Variants in ADCY9 observed in about 807,000 individuals in gnomAD.
ADCY9 encodes adenylate cyclase 9.
A neutral mutation model predicts 101.5 loss-of-function variants in ADCY9; 50 were observed. The observed-to-expected ratio is 0.49, with a 90% CI of 0.39 to 0.62. ADCY9 has a LOEUF of 0.62. Among genes scored for constraint, ADCY9 ranks in the 20% least tolerant of loss-of-function variants. The pLI is 0.00. For synonymous variants in ADCY9, 905 were observed against 769.3 expected, an observed-to-expected ratio of 1.18 and a Z score of -2.92; for missense variants, 1,662 against 1,800.4, an observed-to-expected ratio of 0.92 and a Z score of 1.39.
intron 3 of ADCY9, among the ~76,000 whole-genome samples, chr16:4,005,171 C>A (rs527895730): frequency 2.0e-4 from 31 of 152,264 alleles, no homozygotes; most frequent in African/African-American, 6.7e-4. Context: ...AGTAAAGAAA[C>A]CCTTTCTGTG....
intron 2 of ADCY9, among the ~76,000 whole-genome samples, chr16:4,105,177 A>G (rs1204857159): frequency 1.3e-5 from 2 of 152,208 alleles, no homozygotes; most frequent in Admixed American, 1.3e-4. Context: ...CATTTTACAA[A>G]ATATAGTTAC....
In ADCY9 at chr16:4,115,078, T is replaced by C; in HGVS notation, c.365A>G (p.Tyr122Cys). 6.2e-7 allele frequency: 1 copy of C among 1,614,024 alleles called. No homozygotes were observed. The highest frequency in any genetic ancestry group is 8.5e-7 in the Non-Finnish European group (1 of 1,180,030). ...TQRRFRYALF[Y>C]IGFACLLWSI... is the part of the protein sequence containing the mutation. ...CCACAGAAGGCAGGCGAAGCCGATG[T>C]AGAAGAGCGCATACCGGAACCGGCG... is the stretch of plus-strand genomic sequence containing the variant. Residue 122 changes from tyrosine to cysteine, a missense_variant, in exon 2 of 11, where the codon TAC becomes TGC. Tyr to Cys is a radical substitution (Grantham distance 194). Coordinates refer to ENST00000294016, the MANE Select transcript of ADCY9 (RefSeq NM_001116.4). This position sits in a 1 kb window ranked among gnomAD's most constrained non-coding sequence, Gnocchi z 6.2.
chr16:4,031,504 C>T (rs936698234), intron 2 of ADCY9, among the ~76,000 whole-genome samples: 57 of 152,112 alleles, frequency 3.7e-4, no homozygotes, highest in Non-Finnish European at 2.2e-4. Flanking sequence ...AAAATGTTAA[C>T]CACGGGTCAA....
intron 2 of ADCY9, among the ~76,000 whole-genome samples, chr16:4,035,135 C>G (rs916048928): frequency 6.6e-6 from 1 of 152,236 alleles, no homozygotes; most frequent in Non-Finnish European, 1.5e-5. Context: ...GATGGTGGCA[C>G]TAATCTCTGC....
intron 2 of ADCY9, among the ~76,000 whole-genome samples, chr16:4,101,530 T>C (rs2057043296): frequency 6.6e-6 from 1 of 152,120 alleles, no homozygotes; most frequent in Non-Finnish European, 1.5e-5. Flanking sequence ...CCTCCTACCT[T>C]GGCCTTCCAA....
intron 6 of ADCY9, 37 bp from the exon 7 acceptor site, chr16:3,983,477 G>C: frequency 1.9e-6 from 3 of 1,541,138 alleles, no homozygotes; most frequent in Non-Finnish European, 2.7e-6. Flanking sequence ...TGACTGGGAG[G>C]CCATGGGCGG....
chr16:4,097,855 CTTAT>C (rs1469820974), intron 2 of ADCY9, among the ~76,000 whole-genome samples: 1 of 151,816 alleles, frequency 6.6e-6, no homozygotes, highest in African/African-American at 2.4e-5. Flanking sequence ...CTTATATTTA[CTTAT>C]TTATTCATTC....
chr16:4,054,387 A>C (rs1027092324), intron 2 of ADCY9, among the ~76,000 whole-genome samples: 1 of 151,968 alleles, frequency 6.6e-6, no homozygotes, highest in African/African-American at 2.4e-5. Context: ...ATTTTCCCAA[A>C]CTGTGGTGGA....
At chr16:3,986,644 G>C (rs901282953) in intron 6 of ADCY9, among the ~76,000 whole-genome samples, 1 of 152,180 alleles carries the variant, frequency 6.6e-6, no homozygotes, top group Non-Finnish European at 1.5e-5. Flanking sequence ...TTTTAGTAGA[G>C]ACGGGGTTTC....
chr16:4,106,180 G>C (rs889120264), intron 2 of ADCY9, among the ~76,000 whole-genome samples: 4 of 152,242 alleles, frequency 2.6e-5, no homozygotes, highest in African/African-American at 9.6e-5. Flanking sequence ...ATTTCCAAGA[G>C]CAGACAAGTT....
chr16:3,991,760 T>C (rs2056245579), intron 5 of ADCY9, among the ~76,000 whole-genome samples: 1 of 62,828 alleles, frequency 1.6e-5, no homozygotes, highest in Non-Finnish European at 3.9e-5. Flanking sequence ...GACCTAGTCC[T>C]TATAAAAAAA....
intron 7 of ADCY9, among the ~76,000 whole-genome samples, chr16:3,980,506 C>T (rs1021680324): frequency 2.0e-5 from 3 of 152,110 alleles, no homozygotes; most frequent in South Asian, 2.1e-4. Context: ...AGAGGCTGGG[C>T]GGGGGCCGCT....
chr16:3,971,816 G>C (rs748778113), intron 10 of ADCY9, among the ~76,000 whole-genome samples: 2 of 152,074 alleles, frequency 1.3e-5, no homozygotes, highest in Non-Finnish European at 2.9e-5. Flanking sequence ...CTCTGTGGTG[G>C]AAATGGGAGA....
At chr16:3,968,034 C>T (rs1322708064) in intron 10 of ADCY9, among the ~76,000 whole-genome samples, 2 of 151,932 alleles carry the variant, frequency 1.3e-5, no homozygotes, top group Non-Finnish European at 1.5e-5. Context: ...TGACATGGCA[C>T]TTCAGCTCTA....
intron 2 of ADCY9, among the ~76,000 whole-genome samples, chr16:4,024,144 T>G (rs922692815): frequency 1.3e-5 from 2 of 152,010 alleles, no homozygotes; most frequent in East Asian, 3.9e-4. Flanking sequence ...TGCCTCAGCC[T>G]CCTGAGTAGC....
At chr16:4,025,911 C>T (rs56092173) in intron 2 of ADCY9, among the ~76,000 whole-genome samples, 15,310 of 151,880 alleles carry the variant, frequency 0.1, 871 homozygotes, top group Middle Eastern at 0.13. Context: ...TAGAATCACT[C>T]ATGAGAAAGT....
Position 3,983,306 on chromosome 16 carries a change from A to G in ADCY9, c.2445T>C (p.Pro815=). The G allele has an allele frequency of 1.3e-6, 2 of 1,566,258 alleles. 1 individual carries two copies. The highest frequency in any genetic ancestry group is 3.3e-4 in the Middle Eastern group (2 of 6,004). Residue 815 remains proline (P), a synonymous_variant, in exon 7 of 11, where the codon CCT becomes CCC. Transcript: ENST00000294016. ...AGACCGCCAGGGCGGCGGGCGGGGGAGGCACGGTGGCCGCCTCGTACTTCA... is the reference window on the plus strand; with the variant it reads ...AGACCGCCAGGGCGGCGGGCGGGGGGGGCACGGTGGCCGCCTCGTACTTCA... ...CFLKYEAATV[P]PPPAALAVFS...
intron 2 of ADCY9, among the ~76,000 whole-genome samples, chr16:4,054,347 A>G (rs1050422788): frequency 5.9e-5 from 9 of 152,252 alleles, no homozygotes; most frequent in African/African-American, 2.2e-4. Context: ...GTGGTGCACA[A>G]AAATAGAAAT....
At chr16:4,025,390 A>AAG (rs373387501) in intron 2 of ADCY9, among the ~76,000 whole-genome samples, 2 of 149,204 alleles carry the variant, frequency 1.3e-5, no homozygotes, top group African/African-American at 2.5e-5. Flanking sequence ...AAAAAAAAAA[A>AAG]GAAGTGGATC....
Sources: gnomAD v4.1 joint callset for allele counts (sites outside exome capture counted in the v4.1 genomes callset) on GRCh38, gnomAD v4.1.1 for gene constraint, Gnocchi (gnomAD v3.1) non-coding constraint, MANE v1.5 for transcripts, NCBI Gene and HGNC (gene_info 2026-07-23, HGNC 2026-07-21) for gene names.